EIF2AK4: variants seen among roughly 807,000 people sequenced by gnomAD.
The protein encoded by EIF2AK4 is eIF-2-alpha kinase GCN2.
Under a neutral mutation model 211.1 loss-of-function variants are expected in EIF2AK4, and 139 were observed. The observed-to-expected ratio is 0.66, with a 90% CI of 0.57 to 0.76. The LOEUF (loss-of-function observed/expected upper bound fraction) is 0.76. Ranked by LOEUF, EIF2AK4 falls within the 30% of genes least tolerant of loss-of-function variation. EIF2AK4 has a pLI of 0.00. For missense variants in EIF2AK4, 1,664 were observed against 2,043.8 expected, an observed-to-expected ratio of 0.81 and a Z score of 3.58; for synonymous variants, 710 against 751.3, an observed-to-expected ratio of 0.94 and a Z score of 0.90.
At chr15:39,996,474 G>C (rs2035019736) in intron 18 of EIF2AK4, among the ~76,000 whole-genome samples, 1 of 152,228 alleles carries the variant, frequency 6.6e-6, no homozygotes, top group South Asian at 2.1e-4. Context: ...GGAGGCCAAG[G>C]TGGGTGAATC....
chr15:39,962,341 A>G (rs2034484058), intron 7 of EIF2AK4, among the ~76,000 whole-genome samples: 1 of 152,260 alleles, frequency 6.6e-6, no homozygotes, highest in African/African-American at 2.4e-5. Flanking sequence ...CATCATTATA[A>G]TTATCCAAGC....
chr15:39,976,810 G>A lies in EIF2AK4; in HGVS notation c.2215G>A (p.Asp739Asn), dbSNP rs370877501. ...CAGCGATGACGAGGACGACGACGAG[G>A]ACGAGCACGGTGGCGTCTTCTCCCA... ...GSSDDEDDDE[D>N]EHGGVFSQSF... The change falls in exon 12 of 39, where the codon GAC (aspartate) becomes AAC (asparagine). Residue 739 changes from aspartate to asparagine, a missense_variant. By Grantham distance (23) the Asp-to-Asn change is conservative. Coordinates refer to ENST00000263791, the MANE Select transcript of EIF2AK4 (RefSeq NM_001013703.4). 2.6e-6 allele frequency: 4 copies of A among 1,563,078 alleles called. No individual in the cohort carries two copies. Among genetic ancestry groups the A allele is most frequent in the African/African-American group, 1.4e-5 (1 of 71,668 alleles).
intron 37 of EIF2AK4, among the ~76,000 whole-genome samples, chr15:40,033,889 G>A (rs992924640): frequency 2.6e-5 from 4 of 152,046 alleles, no homozygotes; most frequent in Admixed American, 6.6e-5. Context: ...TTAGCCGGGC[G>A]TAGTGGCAGG....
chr15:39,942,405 GAC>G (rs2034157543), intron 2 of EIF2AK4, among the ~76,000 whole-genome samples: 1 of 152,100 alleles, frequency 6.6e-6, no homozygotes, highest in Non-Finnish European at 1.5e-5. Flanking sequence ...CCCTCATATA[GAC>G]TACTTTCTCT....
At chr15:39,993,623 TAGTGTGGCCAC>T (rs895361311) in intron 18 of EIF2AK4, among the ~76,000 whole-genome samples, 1 of 152,190 alleles carries the variant, frequency 6.6e-6, no homozygotes, top group Non-Finnish European at 1.5e-5. Context: ...AAAGGAAGGC[TAGTGTGGCCAC>T]AGTGTGGCAA....
intron 19 of EIF2AK4, among the ~76,000 whole-genome samples, chr15:39,998,257 G>GTTTTTTTTTTTT (rs752625722): frequency 1.8e-5 from 2 of 109,754 alleles, no homozygotes; most frequent in Non-Finnish European, 4.0e-5. Flanking sequence ...TATGGGTGTG[G>GTTTTTTTTTTTT]TTTTTTTTTT....
chr15:40,008,239 T>C (rs746883134), intron 25 of EIF2AK4, 44 bp downstream of exon 25: 1 of 1,535,196 alleles, frequency 6.5e-7, no homozygotes, highest in African/African-American at 1.4e-5. Context: ...CCACTATATT[T>C]CTTCACCAAG....
At position 39,993,194 on chromosome 15, in the gene EIF2AK4, G is replaced by GTCCGTCCGTCCATCCA. The variant is rs1374024302; in HGVS notation, c.2766+350_2766+365dup. ...CACCCATCCATCCACTCGTCCATCC[G>GTCCGTCCGTCCATCCA]TCCGTCCGTCCATCCATCCATCCAT... On this transcript the variant is annotated intron_variant, in intron 18 of 38. Coordinates refer to ENST00000263791, the MANE Select transcript of EIF2AK4 (RefSeq NM_001013703.4). 2.0e-3 allele frequency among the ~76,000 whole-genome samples: 289 copies of GTCCGTCCGTCCATCCA among 142,792 alleles called. 1 individual carries two copies. The highest frequency in any genetic ancestry group is 7.3e-3 in the African/African-American group (279 of 38,290). The allele number at this position is 142,792 out of a possible 152,430, so 93.7% of individuals were successfully genotyped here. A position where few individuals can be genotyped will look rare whatever the true frequency, so the allele number is the denominator to read the frequency against.
chr15:39,948,419 A>G (rs889887384), intron 3 of EIF2AK4, among the ~76,000 whole-genome samples: 11 of 152,190 alleles, frequency 7.2e-5, no homozygotes, highest in Non-Finnish European at 1.5e-4. Flanking sequence ...TCTTTGTTCT[A>G]TTGATTTATC....
In EIF2AK4 at chr15:39,967,653, G is replaced by A. The variant is rs2034563838; in HGVS notation, c.1327G>A (p.Asp443Asn). ...TGCAGAAGGCACCGTCAAGATTACGGACTATAGCATTTCTAAGCGCCTCGC... is the reference window on the plus strand; with the variant it reads ...TGCAGAAGGCACCGTCAAGATTACGAACTATAGCATTTCTAAGCGCCTCGC... ...VDAEGTVKIT[D>N]YSISKRLADI... Residue 443 changes from aspartate to asparagine, a missense_variant, in exon 9 of 39, where the codon GAC becomes AAC. Coordinates refer to ENST00000263791, the MANE Select transcript of EIF2AK4 (RefSeq NM_001013703.4). 6.2e-7 allele frequency: 1 copy of A among 1,614,078 alleles called. No homozygotes were observed. The highest frequency in any genetic ancestry group is 1.1e-5 in the South Asian group (1 of 91,088).
chr15:40,032,583 T>C (rs968781602), intron 36 of EIF2AK4, among the ~76,000 whole-genome samples, 174 bp from the exon 37 acceptor site: 3 of 152,218 alleles, frequency 2.0e-5, no homozygotes, highest in Non-Finnish European at 4.4e-5. Flanking sequence ...CCACTGCTTA[T>C]TAATTCTCCA....
chr15:39,994,250 T>G (rs139750715), intron 18 of EIF2AK4, among the ~76,000 whole-genome samples: 216 of 152,242 alleles, frequency 1.4e-3, no homozygotes, highest in African/African-American at 5.0e-3. Context: ...AGCACACAGA[T>G]AGGATTTAAA....
chr15:40,032,252 TTAG>T lies in EIF2AK4; in HGVS notation c.4728+18_4728+20del. 6.2e-7 allele frequency: 1 copy of T among 1,613,176 alleles called. No homozygotes were observed. The highest frequency in any genetic ancestry group is 8.5e-7 in the Non-Finnish European group (1 of 1,179,084). The stretch of plus-strand genomic sequence containing the variant: ...AAATTCTGGCTGTAAGTGGCTTTCT[TTAG>T]TATTTTGAAGGTGGCTTCTGTCCAT... On this transcript the variant is annotated intron_variant, in intron 36 of 38. Transcript: ENST00000263791.
intron 32 of EIF2AK4, among the ~76,000 whole-genome samples, chr15:40,023,431 A>C (rs1052932739): frequency 3.3e-5 from 5 of 152,142 alleles, no homozygotes; most frequent in African/African-American, 1.2e-4. Context: ...GTTTTCTGTA[A>C]GATACTGTAT....
At chr15:40,017,383 G>A (rs2035317168) in intron 29 of EIF2AK4, 141 bp downstream of exon 29, 2 of 1,007,624 alleles carry the variant, frequency 2.0e-6, no homozygotes, top group Admixed American at 3.0e-5. Flanking sequence ...TTTCATCTAG[G>A]AATAGAAATA....
At chr15:39,939,436 CATT>C in intron 1 of EIF2AK4, 66 bp from the exon 2 acceptor site, 1 of 865,682 alleles carries the variant, frequency 1.2e-6, no homozygotes, top group South Asian at 2.4e-5. Context: ...CTAAAATGAT[CATT>C]ATCTTAATCA....
intron 22 of EIF2AK4, 138 bp from the exon 23 acceptor site, chr15:40,003,055 A>G (rs1249189478): frequency 1.5e-6 from 2 of 1,300,012 alleles, no homozygotes; most frequent in Non-Finnish European, 1.0e-6. Context: ...TTATAAATTT[A>G]GAGAACTCAA....
chr15:39,970,930 T>C (rs918598124), intron 9 of EIF2AK4, among the ~76,000 whole-genome samples: 1 of 152,258 alleles, frequency 6.6e-6, no homozygotes, highest in Admixed American at 6.5e-5. Context: ...CCTTGCTTTT[T>C]ACTGCTGCAA....
intron 21 of EIF2AK4, 22 bp downstream of exon 21, chr15:40,001,246 C>T (rs1360919818): frequency 1.2e-6 from 2 of 1,607,614 alleles, no homozygotes; most frequent in Non-Finnish European, 1.7e-6. Context: ...CCACGCTGCA[C>T]AAAGGGAGCT....
Sources: allele counts gnomAD v4.1 joint callset (sites outside exome capture counted in the v4.1 genomes callset), GRCh38; gene constraint gnomAD v4.1.1; transcripts MANE v1.5; gene names NCBI Gene and HGNC (gene_info 2026-07-23, HGNC 2026-07-21).